The following NRXN3 variants were observed in gnomAD, a reference collection of about 807,000 sequenced individuals.
NRXN3 encodes the protein neurexin III.
NRXN3 carries 32 observed loss-of-function variants against 137.6 expected under a neutral mutation model. That is an observed-to-expected ratio of 0.23 (90% CI 0.18 to 0.31). NRXN3 has a LOEUF of 0.31. Ranked by LOEUF, NRXN3 falls within the 10% of genes least tolerant of loss-of-function variation. NRXN3 has a pLI of 1.00. For synonymous variants in NRXN3, 798 were observed against 784.5 expected (o/e 1.02, Z -0.29); for missense variants, 1,574 against 2,062.5 (o/e 0.76, Z 4.59).
At chr14:78,798,213 T>G (rs2153069363) in intron 8 of NRXN3, among the ~76,000 whole-genome samples, 1 of 152,260 alleles carries the variant, frequency 6.6e-6, no homozygotes, top group African/African-American at 2.4e-5. Context: ...CAAAAGCAAG[T>G]TAGTTACTTC....
At chr14:79,633,155 T>C (rs997039779) in intron 16 of NRXN3, 3 of 152,304 alleles carry the variant, frequency 2.0e-5, no homozygotes, top group Admixed American at 6.5e-5. Context: ...CGTGGTATCA[T>C]TGCCCCAGTT....
At chr14:79,598,861 C>A (rs1943432007) in intron 16 of NRXN3, among the ~76,000 whole-genome samples, 1 of 152,156 alleles carries the variant, frequency 6.6e-6, no homozygotes, top group Non-Finnish European at 1.5e-5. Context: ...TTATCAAATG[C>A]TGCTTCCCTG....
chr14:78,385,047 A>G (rs1398773562), intron 4 of NRXN3, among the ~76,000 whole-genome samples: 1 of 152,190 alleles, frequency 6.6e-6, no homozygotes, highest in African/African-American at 2.4e-5. Context: ...TGGTTGTCCC[A>G]TATGCAAACT....
At chr14:79,300,777 A>G (rs2085013367) in intron 15 of NRXN3, among the ~76,000 whole-genome samples, 2 of 152,080 alleles carry the variant, frequency 1.3e-5, no homozygotes, top group African/African-American at 4.8e-5. Context: ...AGTGGGAGGA[A>G]CAGCAACATC....
At chr14:78,756,804 C>G (rs768412363) in intron 8 of NRXN3, among the ~76,000 whole-genome samples, 47 of 152,122 alleles carry the variant, frequency 3.1e-4, no homozygotes, top group Non-Finnish European at 5.3e-4. Context: ...AACTCTGTTC[C>G]GTGTAATAGA....
At chr14:79,676,005 A>G (rs1438912396) in intron 17 of NRXN3, among the ~76,000 whole-genome samples, 1 of 152,026 alleles carries the variant, frequency 6.6e-6, no homozygotes, top group Non-Finnish European at 1.5e-5. Context: ...GATGCCTTGC[A>G]TTGATCTTTC....
At chr14:79,626,055 T>C (rs1476286586) in intron 16 of NRXN3, among the ~76,000 whole-genome samples, 1 of 152,232 alleles carries the variant, frequency 6.6e-6, no homozygotes, top group Non-Finnish European at 1.5e-5. Context: ...TAAGTTTACA[T>C]GTCTGCTTAT....
chr14:79,078,058 G>A (rs2046280630), intron 15 of NRXN3, among the ~76,000 whole-genome samples: 2 of 152,038 alleles, frequency 1.3e-5, no homozygotes, highest in South Asian at 2.1e-4. Flanking sequence ...GGTTGAAATG[G>A]CAAGATAATG....
intron 4 of NRXN3, among the ~76,000 whole-genome samples, chr14:78,371,619 T>C (rs909383895): frequency 2.6e-5 from 4 of 152,162 alleles, no homozygotes; most frequent in Non-Finnish European, 5.9e-5. Context: ...CACCCCTAGA[T>C]TGCTGTGGGG....
intron 4 of NRXN3, among the ~76,000 whole-genome samples, chr14:78,329,917 T>C (rs2080581924): frequency 6.6e-6 from 1 of 152,162 alleles, no homozygotes; most frequent in Non-Finnish European, 1.5e-5. Flanking sequence ...ACACTGATAG[T>C]GATTAGATTT....
chr14:78,258,602 C>G, intron 2 of NRXN3, among the ~76,000 whole-genome samples: 1 of 151,948 alleles, frequency 6.6e-6, no homozygotes, highest in Non-Finnish European at 1.5e-5. Context: ...GGAAAGGAAT[C>G]CATAAGATAG....
chr14:79,481,803 G>A (rs1323542193), intron 16 of NRXN3, among the ~76,000 whole-genome samples: 1 of 152,132 alleles, frequency 6.6e-6, no homozygotes, highest in Non-Finnish European at 1.5e-5. Flanking sequence ...CAGCTCGGCA[G>A]GTAGGGGTCT....
intron 4 of NRXN3, among the ~76,000 whole-genome samples, chr14:78,400,911 C>A (rs1180725551): frequency 1.3e-5 from 2 of 152,106 alleles, no homozygotes; most frequent in Non-Finnish European, 2.9e-5. Context: ...AATAACATAC[C>A]TGAGACTGGG....
intron 10 of NRXN3, among the ~76,000 whole-genome samples, chr14:78,844,733 T>A (rs1171305092): frequency 6.6e-6 from 1 of 152,084 alleles, no homozygotes; most frequent in African/African-American, 2.4e-5. Flanking sequence ...TAAGAATTTG[T>A]TAAAGTTTGA....
chr14:79,108,842 A>C (rs976562193), intron 15 of NRXN3, among the ~76,000 whole-genome samples: 1 of 152,150 alleles, frequency 6.6e-6, no homozygotes, highest in Non-Finnish European at 1.5e-5. Flanking sequence ...GAGAGAATTA[A>C]ATTTTTTACG....
rs371572194 is a variant in NRXN3 at position 79,562,988 on chromosome 14, A to C, written c.3444+95586A>C. Among the ~76,000 whole-genome samples, 6 of 152,198 alleles carry C rather than the reference A, an allele frequency of 3.9e-5. No homozygotes were observed. In the South Asian group the frequency reaches 1.2e-3, roughly 32 times the overall value. On this transcript the variant is annotated intron_variant, in intron 16 of 20. Transcript: ENST00000335750. ...GATCTATGGTAATCCACAATAGATG[A>C]GGCCCTGAACACAACATAGGGAAAA... is the stretch of plus-strand genomic sequence containing the variant.
chr14:78,732,845 G>A (rs1314132224), intron 8 of NRXN3, among the ~76,000 whole-genome samples: 1 of 152,168 alleles, frequency 6.6e-6, no homozygotes, highest in Non-Finnish European at 1.5e-5. Context: ...GCCAGAAAAG[G>A]TTAGTGGGAT....
intron 15 of NRXN3, among the ~76,000 whole-genome samples, chr14:79,441,528 C>T (rs903405054): frequency 4.0e-5 from 6 of 151,458 alleles, no homozygotes; most frequent in Non-Finnish European, 4.4e-5. Flanking sequence ...TACAGGCGCC[C>T]GCCACCGCAC....
chr14:78,679,682 T>C (rs1263545078), intron 6 of NRXN3, among the ~76,000 whole-genome samples: 1 of 152,192 alleles, frequency 6.6e-6, no homozygotes, highest in African/African-American at 2.4e-5. Context: ...CTAGAAACCC[T>C]GAAGCAGTAG....
Sources: gnomAD v4.1 joint callset for allele counts (sites outside exome capture counted in the v4.1 genomes callset) on GRCh38, gnomAD v4.1.1 for gene constraint, MANE v1.5 for transcripts, NCBI Gene and HGNC (gene_info 2026-07-23, HGNC 2026-07-21) for gene names.